ATP2B2: variants seen among roughly 807,000 people sequenced by gnomAD.
ATP2B2 encodes the protein ATPase plasma membrane Ca2+ transporting 2.
Under a neutral mutation model 120.0 loss-of-function variants are expected in ATP2B2, and 15 were observed. The observed-to-expected ratio is 0.12, with a 90% CI of 0.08 to 0.19. ATP2B2 has a LOEUF of 0.19. Among genes scored for constraint, ATP2B2 ranks in the 10% least tolerant of loss-of-function variants. The probability of loss-of-function intolerance (pLI) is 1.00; values close to 1 mark genes in which losing one functional copy is unlikely to be tolerated. For synonymous variants in ATP2B2, 694 were observed against 700.3 expected (o/e 0.99, Z 0.14); for missense variants, 1,045 against 1,719.8 (o/e 0.61, Z 6.94).
chr3:10,455,124 G>A (rs1334308987), intron 1 of ATP2B2, among the ~76,000 whole-genome samples: 1 of 152,172 alleles, frequency 6.6e-6, no homozygotes, highest in Non-Finnish European at 1.5e-5. Flanking sequence ...CTTTAGATAG[G>A]TCCTCAGACC....
At chr3:10,605,357 CTG>C (rs773161634) in intron 2 of ATP2B2, among the ~76,000 whole-genome samples, 9 of 152,206 alleles carry the variant, frequency 5.9e-5, no homozygotes, top group Non-Finnish European at 1.0e-4. Context: ...TATGGAAAGA[CTG>C]AGGCTGGAGC....
intron 8 of ATP2B2, 132 bp from the exon 9 acceptor site, chr3:10,379,416 T>TG: frequency 1.0e-5 from 11 of 1,048,326 alleles, no homozygotes; most frequent in Non-Finnish European, 1.6e-5. Flanking sequence ...TCCCTCTGTG[T>TG]GGGGATACGG....
At chr3:10,546,115 T>C (rs539341088) in intron 2 of ATP2B2, among the ~76,000 whole-genome samples, 3 of 152,322 alleles carry the variant, frequency 2.0e-5, no homozygotes, top group East Asian at 3.9e-4. Flanking sequence ...GAAGAAACCA[T>C]GTTAGTACGC....
chr3:10,432,920 C>A lies in ATP2B2; in HGVS notation c.199+16425G>T, dbSNP rs552686362. On this transcript the variant is annotated intron_variant, in intron 2 of 22. Transcript: ENST00000360273. ...TCTGTGGCCCCCAAGTTGAGCTGGACTGGGGGCTCTGGCTGGGGTAGGGGA... is the reference window on the plus strand; with the variant it reads ...TCTGTGGCCCCCAAGTTGAGCTGGAATGGGGGCTCTGGCTGGGGTAGGGGA... Among the ~76,000 whole-genome samples, 271 of 152,320 alleles carry A rather than the reference C, an allele frequency of 1.8e-3. 1 individual carries two copies. The highest frequency in any genetic ancestry group is 6.8e-3 in the Middle Eastern group (2 of 294).
chr3:10,441,260 TTTTG>T (rs2063654626), intron 2 of ATP2B2, among the ~76,000 whole-genome samples: 1 of 152,106 alleles, frequency 6.6e-6, no homozygotes, highest in Non-Finnish European at 1.5e-5. Context: ...TTTCCTGTCT[TTTTG>T]TTTTTTTTGA....
intron 1 of ATP2B2, among the ~76,000 whole-genome samples, chr3:10,656,152 T>C (rs1031246853): frequency 1.3e-5 from 2 of 151,250 alleles, no homozygotes; most frequent in African/African-American, 4.9e-5. Flanking sequence ...AGGTAGGGGG[T>C]GAAAAAGGTG....
At chr3:10,396,512 G>A (rs189429729) in intron 5 of ATP2B2, among the ~76,000 whole-genome samples, 54 of 152,364 alleles carry the variant, frequency 3.5e-4, no homozygotes, top group African/African-American at 1.3e-3. Context: ...GTCTCTCTGT[G>A]TTGTTCCTCA....
At chr3:10,577,097 G>C (rs2068271784) in intron 2 of ATP2B2, among the ~76,000 whole-genome samples, 1 of 150,718 alleles carries the variant, frequency 6.6e-6, no homozygotes, top group African/African-American at 2.4e-5. Flanking sequence ...TATGGTCCTT[G>C]GGCCAGCAGC....
chr3:10,562,189 T>C (rs558893545), intron 2 of ATP2B2, among the ~76,000 whole-genome samples: 1 of 152,242 alleles, frequency 6.6e-6, no homozygotes, highest in East Asian at 1.9e-4. Flanking sequence ...AAAGCCCTTA[T>C]GGTAGAGAGA....
chr3:10,326,362 C>T lies in ATP2B2; in HGVS notation c.*2452G>A. On this transcript the variant is annotated 3_prime_UTR_variant, in exon 23 of 23. Coordinates refer to ENST00000360273, the MANE Select transcript of ATP2B2 (RefSeq NM_001001331.4). ...GAAGACCAACGCTAATGTTGGCATT[C>T]TTCCATCGCTCCCTGTTCCCTAAGC... The T allele has an allele frequency of 4.9e-6, 1 of 203,544 alleles. No individual in the cohort carries two copies. The highest frequency in any genetic ancestry group is 9.8e-6 in the Non-Finnish European group (1 of 101,770). The allele number at this position is 203,544 out of a possible 1,614,324, so 12.6% of individuals were successfully genotyped here.
At chr3:10,608,963 T>C (rs1004657559) in intron 2 of ATP2B2, among the ~76,000 whole-genome samples, 11 of 152,130 alleles carry the variant, frequency 7.2e-5, no homozygotes, top group Non-Finnish European at 1.5e-4. Context: ...GGAAGTCCTA[T>C]AACCCCCTTG....
intron 2 of ATP2B2, among the ~76,000 whole-genome samples, chr3:10,416,582 GC>G (rs1407961708): frequency 6.6e-6 from 1 of 152,162 alleles, no homozygotes; most frequent in Non-Finnish European, 1.5e-5. Context: ...ATGTTTGAGA[GC>G]CGTCTGACAA....
At chr3:10,590,177 TATG>T (rs1459389321) in intron 2 of ATP2B2, among the ~76,000 whole-genome samples, 3 of 152,206 alleles carry the variant, frequency 2.0e-5, no homozygotes, top group Non-Finnish European at 2.9e-5. Flanking sequence ...CTTACATTGA[TATG>T]ATATGATTTT....
At chr3:10,701,312 C>T (rs552069016) in intron 1 of ATP2B2, among the ~76,000 whole-genome samples, 124 of 152,340 alleles carry the variant, frequency 8.1e-4, no homozygotes, top group African/African-American at 2.9e-3. Context: ...TATACCCTCA[C>T]CCTTCATGGT....
intron 14 of ATP2B2, among the ~76,000 whole-genome samples, chr3:10,357,322 G>A (rs2060765246): frequency 6.6e-6 from 1 of 152,142 alleles, no homozygotes; most frequent in South Asian, 2.1e-4. Flanking sequence ...TTATGTAACT[G>A]GTTCAACGTC....
chr3:10,611,057 C>T lies in ATP2B2; in HGVS notation c.-415+8860G>A, dbSNP rs573739740. ...GATGAGAAACCAGAACCTGAGGGCT[C>T]GCAGGGGTGTCTCCATAGATCAGAG... On this transcript the variant is annotated intron_variant, in intron 2 of 21. Coordinates refer to the ATP2B2 transcript ENST00000646379. Among the ~76,000 whole-genome samples, 10 of 152,314 alleles carry T rather than the reference C, an allele frequency of 6.6e-5. No individual in the cohort carries two copies. The South Asian group carries it at 2.1e-3, about 32-fold the overall frequency.
In ATP2B2 at chr3:10,434,441, C is replaced by T. The variant is rs1213962303; in HGVS notation, c.199+14904G>A. Among the ~76,000 whole-genome samples the T allele has an allele frequency of 2.6e-5, 4 of 152,196 alleles. No homozygotes were observed. The East Asian group carries it at 5.8e-4, about 22-fold the overall frequency. ...GCAGTGGGAGCCACAGGGTTTTCAGCAGGTGGTGGCACAACCTGACTTGTA... is the reference window on the plus strand; with the variant it reads ...GCAGTGGGAGCCACAGGGTTTTCAGTAGGTGGTGGCACAACCTGACTTGTA... On this transcript the variant is annotated intron_variant, in intron 2 of 22. Transcript: ENST00000360273.
chr3:10,523,242 T>C (rs542116836), intron 3 of ATP2B2, among the ~76,000 whole-genome samples: 1 of 152,290 alleles, frequency 6.6e-6, no homozygotes, highest in South Asian at 2.1e-4. Context: ...AAGGTGGAGG[T>C]GCAGGCAGGT....
intron 2 of ATP2B2, among the ~76,000 whole-genome samples, chr3:10,424,220 C>T (rs1363454360): frequency 6.6e-5 from 10 of 152,162 alleles, no homozygotes; most frequent in African/African-American, 1.7e-4. Flanking sequence ...CTTCATTTTA[C>T]GGACAGACGG....
Sources: allele counts gnomAD v4.1 joint callset (sites outside exome capture counted in the v4.1 genomes callset), GRCh38; gene constraint gnomAD v4.1.1; transcripts MANE v1.5; gene names NCBI Gene and HGNC (gene_info 2026-07-23, HGNC 2026-07-21).